Variants in NOS1AP observed in about 807,000 individuals in gnomAD.
NOS1AP encodes nitric oxide synthase 1 adaptor protein, also known as carboxyl-terminal PDZ ligand of neuronal nitric oxide synthase protein.
NOS1AP carries 21 observed loss-of-function variants against 56.2 expected under a neutral mutation model. The ratio of observed to expected loss-of-function variants is 0.37; its 90% CI spans 0.26 to 0.54. The LOEUF is 0.54. Among genes scored for constraint, NOS1AP ranks in the 20% least tolerant of loss-of-function variants. The pLI is 0.84. For synonymous variants in NOS1AP, 270 were observed against 274.6 expected (o/e 0.98, Z 0.17); for missense variants, 522 against 657.8 (o/e 0.79, Z 2.26).
At chr1:162,229,861 G>T (rs187902378) in intron 2 of NOS1AP, among the ~76,000 whole-genome samples, 2 of 152,232 alleles carry the variant, frequency 1.3e-5, no homozygotes, top group Admixed American at 1.3e-4. Context: ...AATGCAAGAC[G>T]TGTCTCAACT....
intron 4 of NOS1AP, among the ~76,000 whole-genome samples, chr1:162,316,109 A>G (rs1439577642): frequency 6.6e-6 from 1 of 152,246 alleles, no homozygotes; most frequent in Non-Finnish European, 1.5e-5. Flanking sequence ...GGATGAATGA[A>G]TGAACGAACG....
rs532877379 is a variant in NOS1AP at position 162,160,661 on chromosome 1, G to A, written c.177+6185G>A. Among the ~76,000 whole-genome samples the A allele has an allele frequency of 2.0e-5, 3 of 152,154 alleles. No individual in the cohort carries two copies. The South Asian group carries it at 6.2e-4, about 32-fold the overall frequency. On this transcript the variant is annotated intron_variant, in intron 2 of 9. Transcript: ENST00000361897. ...TCCCTTTTTATAACTTTCTCCCTAA[G>A]TGGCCCCCCTCAGCACCATTTACTC...
chr1:162,125,237 G>A (rs1239784698), intron 1 of NOS1AP, among the ~76,000 whole-genome samples: 2 of 150,464 alleles, frequency 1.3e-5, no homozygotes, highest in Admixed American at 6.6e-5. Context: ...GGGTTGAAGC[G>A]ATTCTTTTGC....
intron 3 of NOS1AP, among the ~76,000 whole-genome samples, chr1:162,294,867 T>C (rs1424140920): frequency 6.6e-6 from 1 of 152,196 alleles, no homozygotes; most frequent in Non-Finnish European, 1.5e-5. Context: ...CACCAGGCAC[T>C]CCCTCCCCAC....
At chr1:162,318,434 A>G (rs1656300278) in intron 4 of NOS1AP, among the ~76,000 whole-genome samples, 1 of 152,136 alleles carries the variant, frequency 6.6e-6, no homozygotes, top group Non-Finnish European at 1.5e-5. Flanking sequence ...TTCTGTCTGC[A>G]TCTTATTCAG....
intron 2 of NOS1AP, among the ~76,000 whole-genome samples, chr1:162,251,602 A>ATGTGTGTGTGTGTGTGTGTG (rs35955567): frequency 6.8e-6 from 1 of 146,192 alleles, no homozygotes; most frequent in Non-Finnish European, 1.5e-5. Context: ...AAATATATAT[A>ATGTGTGTGTGTGTGTGTGTG]TGTGTGTGTG....
At chr1:162,250,130 T>G (rs750379716) in intron 2 of NOS1AP, among the ~76,000 whole-genome samples, 21 of 152,160 alleles carry the variant, frequency 1.4e-4, no homozygotes, top group Non-Finnish European at 2.6e-4. Context: ...ATTTCCCCTT[T>G]CAGGGCTTAT....
In NOS1AP at chr1:162,343,816, TCTC is replaced by T. The variant is rs546962094; in HGVS notation, c.454-16_454-14del. The T allele has an allele frequency of 1.0e-4, 161 of 1,614,026 alleles. No individual in the cohort carries two copies. In the East Asian group the frequency reaches 3.5e-3, roughly 35 times the overall value. ...TGCGCATCCTCACCCATCCTGTTCTTCTCCTTTCTCCTTCCCAGAGCCAAGCTA... is the reference window on the plus strand; with the variant it reads ...TGCGCATCCTCACCCATCCTGTTCTTCTTTCTCCTTCCCAGAGCCAAGCTA... On this transcript the variant is annotated splice_polypyrimidine_tract_variant and intron_variant, in intron 5 of 9. Transcript: ENST00000361897.
intron 2 of NOS1AP, among the ~76,000 whole-genome samples, chr1:162,254,797 G>A (rs1019659050): frequency 7.2e-5 from 11 of 152,152 alleles, no homozygotes; most frequent in African/African-American, 1.2e-4. Context: ...CATTTTACCA[G>A]TACAATCTGT....
chr1:162,097,657 T>C (rs12074902), intron 1 of NOS1AP, among the ~76,000 whole-genome samples: 17,648 of 152,236 alleles, frequency 0.12, 2,280 homozygotes, highest in African/African-American at 0.32. Flanking sequence ...GTTGCTGTCA[T>C]GTGTCAAGTG....
chr1:162,348,105 G>A (rs1657361434), intron 6 of NOS1AP, among the ~76,000 whole-genome samples: 1 of 152,206 alleles, frequency 6.6e-6, no homozygotes, highest in African/African-American at 2.4e-5. Context: ...CTCTGGGAGG[G>A]TAGGGACTTC....
At chr1:162,180,621 G>A (rs1216723720) in intron 2 of NOS1AP, among the ~76,000 whole-genome samples, 1 of 152,208 alleles carries the variant, frequency 6.6e-6, no homozygotes, top group South Asian at 2.1e-4. Flanking sequence ...CATGTGGAAA[G>A]GGACTACAGG....
intron 2 of NOS1AP, among the ~76,000 whole-genome samples, chr1:162,195,289 C>A (rs1651770430): frequency 1.3e-5 from 2 of 151,802 alleles, no homozygotes; most frequent in African/African-American, 4.8e-5. Context: ...AAGTTGGTAC[C>A]CCATATTTAC....
intron 4 of NOS1AP, among the ~76,000 whole-genome samples, chr1:162,321,839 G>A (rs1168056497): frequency 3.3e-5 from 5 of 151,080 alleles, no homozygotes; most frequent in Non-Finnish European, 7.4e-5. Flanking sequence ...TCCTACTTAC[G>A]AATGGGAGCT....
At chr1:162,085,663 T>A (rs1476425368) in intron 1 of NOS1AP, among the ~76,000 whole-genome samples, 1 of 152,156 alleles carries the variant, frequency 6.6e-6, no homozygotes, top group Non-Finnish European at 1.5e-5. Context: ...TAGAAATGGA[T>A]CCAGTCTATA....
chr1:162,287,268 A>C, intron 2 of NOS1AP, 76 bp from the exon 3 acceptor site: 9 of 1,037,322 alleles, frequency 8.7e-6, no homozygotes, highest in African/African-American at 1.6e-5. Context: ...TTTTCCAGGC[A>C]TGGGCTAGCT....
chr1:162,303,162 T>C (rs1472984059), intron 4 of NOS1AP, among the ~76,000 whole-genome samples: 1 of 152,250 alleles, frequency 6.6e-6, no homozygotes, highest in Non-Finnish European at 1.5e-5. Flanking sequence ...ATGTTCATTA[T>C]GTTCAAGTCT....
chr1:162,324,492 C>T (rs12046924), intron 4 of NOS1AP, among the ~76,000 whole-genome samples: 58,735 of 136,772 alleles, frequency 0.43, 12,702 homozygotes, highest in East Asian at 0.65. Context: ...TATCCCAGTA[C>T]TTGGCATTTA....
intron 1 of NOS1AP, among the ~76,000 whole-genome samples, chr1:162,109,277 TAA>T (rs1647624367): frequency 6.6e-6 from 1 of 152,220 alleles, no homozygotes; most frequent in Admixed American, 6.5e-5. Flanking sequence ...ATCTTAAGGA[TAA>T]CAAAGTGTTT....
Sources: gnomAD v4.1 joint callset for allele counts (sites outside exome capture counted in the v4.1 genomes callset) on GRCh38, gnomAD v4.1.1 for gene constraint, MANE v1.5 for transcripts, NCBI Gene and HGNC (gene_info 2026-07-23, HGNC 2026-07-21) for gene names.